Variants in TANGO6 observed in about 807,000 individuals in gnomAD.
TANGO6 encodes the protein transport and golgi organization 6 homolog, also known as transport and Golgi organization protein 6 homolog.
In TANGO6, 90 loss-of-function variants were observed where a neutral mutation model predicts 114.2. The ratio of observed to expected loss-of-function variants is 0.79; its 90% CI spans 0.66 to 0.94. The LOEUF is 0.94. Ranked by LOEUF, TANGO6 falls within the 40% of genes least tolerant of loss-of-function variation. The pLI, the probability that TANGO6 is intolerant of heterozygous loss-of-function variation, is 0.00. For synonymous variants in TANGO6, 477 were observed against 509.8 expected (o/e 0.94, Z 0.87); for missense variants, 1,274 against 1,315.3 (o/e 0.97, Z 0.49).
chr16:68,860,151 C>G lies in TANGO6; in HGVS notation c.362C>G (p.Pro121Arg), dbSNP rs1245657441. The G allele has an allele frequency of 1.9e-6, 3 of 1,613,952 alleles. No homozygotes were observed. In the East Asian group the frequency reaches 6.7e-5, roughly 36 times the overall value. The stretch of plus-strand genomic sequence containing the variant: ...GCAGCTAATTTCAATCCAGGTAAAC[C>G]CAACCCTAGGACTCCGGAAGTTGCT... ...RLAANFNPGK[P>R]NPRTPEVAPA... The change falls in exon 2 of 18, where the codon CCC becomes CGC. Residue 121 changes from proline (P) to arginine (R), a missense_variant. Physicochemically the swap from Pro to Arg is moderately radical, Grantham distance 103. Around this residue, in one of 5 missense-constraint regions of TANGO6, gnomAD observed 908 missense variants for 910.2 expected, o/e 1.00. Coordinates refer to ENST00000261778, the MANE Select transcript of TANGO6 (RefSeq NM_024562.2).
Position 69,012,373 on chromosome 16 carries a change from G to A in TANGO6, c.2843-10455G>A, listed in dbSNP as rs141162206. On this transcript the variant is annotated intron_variant, in intron 15 of 17. Transcript: ENST00000261778. ...GGAGTTCGAGACCAGCCTGACCAAC[G>A]TGGAGAAACCCCATCTCTACTAAAA... is the stretch of plus-strand genomic sequence containing the variant. Among the ~76,000 whole-genome samples, 633 of 151,838 alleles carry A rather than the reference G, an allele frequency of 4.2e-3. 5 individuals are homozygous for A. Among genetic ancestry groups the A allele is most frequent in the African/African-American group, 0.014 (573 of 41,410 alleles).
chr16:68,882,756 T>A (rs372258890), intron 7 of TANGO6, among the ~76,000 whole-genome samples: 1 of 152,088 alleles, frequency 6.6e-6, no homozygotes, highest in East Asian at 1.9e-4. Context: ...CGATGGCTCA[T>A]GCCTGTAATC....
chr16:68,899,473 C>T (rs774333194), intron 7 of TANGO6, among the ~76,000 whole-genome samples: 11 of 149,940 alleles, frequency 7.3e-5, no homozygotes, highest in South Asian at 2.1e-4. Context: ...TGCAGCATTA[C>T]GATTATTAAT....
intron 15 of TANGO6, among the ~76,000 whole-genome samples, chr16:69,006,115 A>T (rs1323299624): frequency 1.3e-5 from 2 of 152,320 alleles, no homozygotes; most frequent in East Asian, 3.9e-4. Flanking sequence ...GTCAGAAAGC[A>T]GTGGGAAAGC....
At chr16:68,853,949 T>C (rs929354335) in intron 1 of TANGO6, among the ~76,000 whole-genome samples, 4 of 152,202 alleles carry the variant, frequency 2.6e-5, no homozygotes, top group African/African-American at 9.7e-5. Context: ...ATCTGAATAA[T>C]TGTCCATTTT....
chr16:68,850,188 G>A (rs1961879138), intron 1 of TANGO6, among the ~76,000 whole-genome samples: 1 of 151,856 alleles, frequency 6.6e-6, no homozygotes, highest in African/African-American at 2.4e-5. Flanking sequence ...TGACCAGTCT[G>A]GTCTCGAACT....
intron 11 of TANGO6, among the ~76,000 whole-genome samples, chr16:68,916,406 A>G: frequency 6.6e-6 from 1 of 152,026 alleles, no homozygotes; most frequent in East Asian, 1.9e-4. Context: ...CTAACACCTG[A>G]TGATCTGAGG....
chr16:69,083,015 C>T (rs1285393163), intron 17 of TANGO6, among the ~76,000 whole-genome samples: 2 of 151,716 alleles, frequency 1.3e-5, no homozygotes, highest in Non-Finnish European at 2.9e-5. Flanking sequence ...GTGAGAAACA[C>T]AATGGGAAAC....
intron 15 of TANGO6, among the ~76,000 whole-genome samples, chr16:68,997,960 G>A (rs1324501919): frequency 3.3e-5 from 5 of 152,188 alleles, no homozygotes; most frequent in Non-Finnish European, 7.3e-5. Flanking sequence ...CAATGAGAAA[G>A]TGTTGGTATG....
At chr16:68,979,257 T>C (rs1271769770) in intron 15 of TANGO6, among the ~76,000 whole-genome samples, 1 of 151,004 alleles carries the variant, frequency 6.6e-6, no homozygotes, top group Non-Finnish European at 1.5e-5. Context: ...TGAGACGGAG[T>C]CTTGCTCTGT....
intron 3 of TANGO6, among the ~76,000 whole-genome samples, chr16:68,866,548 G>A (rs1055398694): frequency 8.6e-5 from 13 of 151,386 alleles, no homozygotes; most frequent in South Asian, 4.2e-4. Context: ...GCGTGAACCC[G>A]GGAAGCGGAG....
At chr16:68,877,018 C>G (rs1277654563) in intron 5 of TANGO6, among the ~76,000 whole-genome samples, 1 of 152,068 alleles carries the variant, frequency 6.6e-6, no homozygotes, top group Non-Finnish European at 1.5e-5. Context: ...TACATAACTA[C>G]CAGTATTACC....
At chr16:69,022,669 A>C (rs1322360180) in intron 15 of TANGO6, among the ~76,000 whole-genome samples, 159 bp from the exon 16 acceptor site, 1 of 151,928 alleles carries the variant, frequency 6.6e-6, no homozygotes, top group African/African-American at 2.4e-5. Context: ...GTGCCACTGC[A>C]CTCCAGTCTG....
chr16:68,917,849 C>T (rs1165557808), intron 11 of TANGO6, among the ~76,000 whole-genome samples: 1 of 151,856 alleles, frequency 6.6e-6, no homozygotes, highest in Non-Finnish European at 1.5e-5. Flanking sequence ...ACCTCCTGGG[C>T]TCAAGCAGTC....
chr16:68,986,369 C>T (rs1018291528), intron 15 of TANGO6, among the ~76,000 whole-genome samples: 3 of 152,092 alleles, frequency 2.0e-5, no homozygotes, highest in African/African-American at 7.2e-5. Context: ...AAAGCAGCTC[C>T]TCAGATTACT....
In TANGO6 at chr16:68,858,065, A is replaced by ATT. The variant is rs369292829; in HGVS notation, c.95-1804_95-1803dup. ...GGCCTGAAATTTTATCTCTCGGAAG[A>ATT]TTTTTTTTTTTTTTTTGAAACAGAG... On this transcript the variant is annotated intron_variant, in intron 1 of 17. Coordinates refer to ENST00000261778, the MANE Select transcript of TANGO6 (RefSeq NM_024562.2). Among the ~76,000 whole-genome samples, 763 of 143,610 alleles carry ATT rather than the reference A, an allele frequency of 5.3e-3. 6 individuals are homozygous for ATT. Among genetic ancestry groups the ATT allele is most frequent in the African/African-American group, 0.016 (608 of 39,206 alleles). 94.2% of individuals were successfully genotyped at this position (143,610 alleles called of 152,430 possible).
intron 12 of TANGO6, among the ~76,000 whole-genome samples, chr16:68,924,117 C>T (rs1963134159): frequency 6.6e-6 from 1 of 152,192 alleles, no homozygotes; most frequent in Non-Finnish European, 1.5e-5. Context: ...TACTTGCAAA[C>T]CACAGTGCCT....
At chr16:69,060,813 G>A (rs932940263) in intron 17 of TANGO6, among the ~76,000 whole-genome samples, 1 of 151,810 alleles carries the variant, frequency 6.6e-6, no homozygotes, top group Non-Finnish European at 1.5e-5. Context: ...CCAACATGGT[G>A]AAACCCCATC....
At chr16:69,016,363 A>T (rs543630679) in intron 15 of TANGO6, among the ~76,000 whole-genome samples, 1 of 151,914 alleles carries the variant, frequency 6.6e-6, no homozygotes, top group African/African-American at 2.4e-5. Flanking sequence ...GCGCTGTTGC[A>T]TTCCAGCCTG....
Sources: allele counts gnomAD v4.1 joint callset (sites outside exome capture counted in the v4.1 genomes callset), GRCh38; gene constraint gnomAD v4.1.1; regional missense constraint gnomAD v4.1.1; transcripts MANE v1.5; gene names NCBI Gene and HGNC (gene_info 2026-07-23, HGNC 2026-07-21).